The following RNF180 variants were observed in gnomAD, a reference collection of about 807,000 sequenced individuals.
RNF180 encodes the protein E3 ubiquitin-protein ligase RNF180.
Under a neutral mutation model 59.2 loss-of-function variants are expected in RNF180, and 38 were observed. The ratio of observed to expected loss-of-function variants is 0.64; its 90% CI spans 0.50 to 0.84. The LOEUF is 0.84. Among genes scored for constraint, RNF180 ranks in the 40% least tolerant of loss-of-function variants. The probability of loss-of-function intolerance (pLI) is 0.00; values close to 1 mark genes in which losing one functional copy is unlikely to be tolerated. For missense variants in RNF180, 705 were observed against 700.9 expected (o/e 1.01, Z -0.07); for synonymous variants, 262 against 240.3 (o/e 1.09, Z -0.84).
intron 5 of RNF180, among the ~76,000 whole-genome samples, chr5:64,287,279 C>T (rs1742338548): frequency 6.6e-6 from 1 of 152,212 alleles, no homozygotes; most frequent in Admixed American, 6.5e-5. Flanking sequence ...TTTATTTTTA[C>T]ATTGTTAAAT....
Position 64,370,567 on chromosome 5 carries a change from A to C in RNF180, c.*753A>C, listed in dbSNP as rs2112624495. 6.6e-6 allele frequency: 1 copy of C among 151,810 alleles called. No homozygotes were observed. Among genetic ancestry groups the C allele is most frequent in the African/African-American group, 2.4e-5 (1 of 41,522 alleles). The allele number at this position is 151,810 out of a possible 1,614,324, so 9.4% of individuals were successfully genotyped here. ...GGTCCAAAATGTAATTTAGTGATTC[A>C]TTTAAGTAGGAGATGGTCAAATATA... On this transcript the variant is annotated 3_prime_UTR_variant, in exon 8 of 8. Transcript: ENST00000389100.
intron 1 of RNF180, among the ~76,000 whole-genome samples, chr5:64,178,361 A>C (rs1271782746): frequency 6.6e-6 from 1 of 152,182 alleles, no homozygotes; most frequent in African/African-American, 2.4e-5. Flanking sequence ...ACAATATTGG[A>C]AGCCAAAAGG....
chr5:64,226,839 CA>C (rs1714628062), intron 5 of RNF180, among the ~76,000 whole-genome samples: 1 of 152,154 alleles, frequency 6.6e-6, no homozygotes, highest in African/African-American at 2.4e-5. Context: ...ATGTAATAAG[CA>C]TCATCGATGG....
chr5:64,281,101 G>C (rs1400876085), intron 5 of RNF180, among the ~76,000 whole-genome samples: 1 of 152,146 alleles, frequency 6.6e-6, no homozygotes, highest in Non-Finnish European at 1.5e-5. Context: ...TTTCACACTA[G>C]ACTCAGACAG....
chr5:64,296,953 C>A lies in RNF180; in HGVS notation c.1228-28233C>A, dbSNP rs1294047903. Reference sequence around the variant, plus strand: ...TGGTTTTTTGGTAGGAAAAGAGTGACTTTTCTGTTTCTTATAAACTTACAC... The same window carrying A: ...TGGTTTTTTGGTAGGAAAAGAGTGAATTTTCTGTTTCTTATAAACTTACAC... On this transcript the variant is annotated intron_variant, in intron 5 of 7. Coordinates refer to ENST00000389100, the MANE Select transcript of RNF180 (RefSeq NM_001113561.2). Among the ~76,000 whole-genome samples, 3 of 152,030 alleles carry A rather than the reference C, an allele frequency of 2.0e-5. No individual in the cohort carries two copies. The East Asian group carries it at 5.8e-4, about 29-fold the overall frequency.
At position 64,214,238 on chromosome 5, in the gene RNF180, A is replaced by G; in HGVS notation, c.912A>G (p.Thr304=). ...CAGTGGCCCCCCATGAGACCCAGAC[A>G]CAAAGAGGAGGAGAATTTCAGTGTG... is the stretch of plus-strand genomic sequence containing the variant. ...RFSVAPHETQ[T]QRGGEFQCGL... The change falls in exon 4 of 8, where the codon ACA becomes ACG. Residue 304 remains threonine, a synonymous_variant. Transcript: ENST00000389100. 2 of 1,614,060 alleles carry G rather than the reference A, an allele frequency of 1.2e-6. No homozygotes were observed. The highest frequency in any genetic ancestry group is 2.2e-5 in the East Asian group (1 of 44,864).
chr5:64,352,409 CT>C (rs1745852966), intron 7 of RNF180, among the ~76,000 whole-genome samples: 1 of 152,040 alleles, frequency 6.6e-6, no homozygotes, highest in African/African-American at 2.4e-5. Flanking sequence ...TCCTTCAATT[CT>C]GCTCTCATCT....
chr5:64,267,668 C>CAA (rs1312680391), intron 5 of RNF180, among the ~76,000 whole-genome samples: 1 of 152,068 alleles, frequency 6.6e-6, no homozygotes, highest in Non-Finnish European at 1.5e-5. Context: ...CATGTCCCTA[C>CAA]AAAGGACATG....
intron 2 of RNF180, among the ~76,000 whole-genome samples, chr5:64,204,390 G>T (rs528278381): frequency 6.6e-6 from 1 of 152,318 alleles, no homozygotes; most frequent in East Asian, 1.9e-4. Context: ...ACTGGGCAAT[G>T]CTGTTTTCAA....
At chr5:64,167,194 C>T (rs1749691986) in intron 1 of RNF180, among the ~76,000 whole-genome samples, 1 of 152,100 alleles carries the variant, frequency 6.6e-6, no homozygotes, top group Admixed American at 6.5e-5. Context: ...ATCGAGGAGG[C>T]GAGCTGTTAG....
At chr5:64,329,950 G>A (rs1229354143) in intron 6 of RNF180, among the ~76,000 whole-genome samples, 6 of 152,162 alleles carry the variant, frequency 3.9e-5, no homozygotes, top group East Asian at 3.9e-4. Flanking sequence ...TGACCCAGGG[G>A]TTGGGGACCA....
chr5:64,214,032 A>G lies in RNF180; in HGVS notation c.706A>G (p.Ser236Gly). The G allele has an allele frequency of 6.2e-7, 1 of 1,614,170 alleles. No individual in the cohort carries two copies. Among genetic ancestry groups the G allele is most frequent in the Non-Finnish European group, 8.5e-7 (1 of 1,180,012 alleles). The part of the protein sequence containing the change: ...RKSHSLDLNI[S>G]EKLTLLPTLY... Reference sequence around the variant, plus strand: ...ATCACATAGTTTGGATCTGAACATCAGTGAGAAACTGACTTTATTACCCAC... The same window carrying G: ...ATCACATAGTTTGGATCTGAACATCGGTGAGAAACTGACTTTATTACCCAC... Residue 236 changes from serine (S) to glycine (G), a missense_variant, in exon 4 of 8, where the codon AGT becomes GGT. Coordinates refer to ENST00000389100, the MANE Select transcript of RNF180 (RefSeq NM_001113561.2).
At chr5:64,228,028 A>T (rs1422158320) in intron 5 of RNF180, among the ~76,000 whole-genome samples, 2 of 152,102 alleles carry the variant, frequency 1.3e-5, no homozygotes, top group African/African-American at 4.8e-5. Flanking sequence ...AGACCTTACA[A>T]TATCAGCCTC....
At chr5:64,321,056 A>G (rs1028515296) in intron 5 of RNF180, among the ~76,000 whole-genome samples, 5 of 152,058 alleles carry the variant, frequency 3.3e-5, no homozygotes, top group African/African-American at 1.2e-4. Context: ...AAAGGGAAAG[A>G]AAAATTATGA....
At chr5:64,244,746 A>G (rs1017560464) in intron 5 of RNF180, among the ~76,000 whole-genome samples, 4 of 152,340 alleles carry the variant, frequency 2.6e-5, no homozygotes, top group African/African-American at 9.6e-5. Context: ...GAGCACCACA[A>G]AGATATTCCT....
chr5:64,326,999 G>T (rs1400701456), intron 6 of RNF180, among the ~76,000 whole-genome samples: 1 of 151,986 alleles, frequency 6.6e-6, no homozygotes, highest in Non-Finnish European at 1.5e-5. Flanking sequence ...ATTGGTATTT[G>T]GTTTTCTACT....
At chr5:64,266,167 CAG>C (rs1389936059) in intron 5 of RNF180, among the ~76,000 whole-genome samples, 2 of 152,272 alleles carry the variant, frequency 1.3e-5, no homozygotes, top group Non-Finnish European at 2.9e-5. Flanking sequence ...TATCTGCAAA[CAG>C]AGACAATTTG....
At chr5:64,203,608 A>T (rs1009511664) in intron 2 of RNF180, among the ~76,000 whole-genome samples, 1 of 152,146 alleles carries the variant, frequency 6.6e-6, no homozygotes, top group African/African-American at 2.4e-5. Context: ...ATATTCATTT[A>T]TATAAAATTG....
chr5:64,352,982 A>T (rs911074417), intron 7 of RNF180, among the ~76,000 whole-genome samples: 1 of 151,872 alleles, frequency 6.6e-6, no homozygotes, highest in South Asian at 2.1e-4. Context: ...ACTGTTAGTT[A>T]TGATCTAATA....
Sources: gnomAD v4.1 joint callset for allele counts (sites outside exome capture counted in the v4.1 genomes callset) on GRCh38, gnomAD v4.1.1 for gene constraint, MANE v1.5 for transcripts, NCBI Gene and HGNC (gene_info 2026-07-23, HGNC 2026-07-21) for gene names.